SLC39A11: variants seen among roughly 807,000 people sequenced by gnomAD.
SLC39A11 encodes the protein solute carrier family 39 member 11.
SLC39A11 carries 33 observed loss-of-function variants against 36.1 expected under a neutral mutation model. The ratio of observed to expected loss-of-function variants is 0.91; its 90% confidence interval spans 0.69 to 1.22. The LOEUF is 1.22. Among genes scored for constraint, SLC39A11 ranks in the 50% most tolerant of loss-of-function variants. SLC39A11 has a pLI of 0.00. For synonymous variants in SLC39A11, 166 were observed against 170.3 expected, an observed-to-expected ratio of 0.97 and a Z score of 0.20; for missense variants, 432 against 430.3, an observed-to-expected ratio of 1.00 and a Z score of -0.03.
intron 7 of SLC39A11, among the ~76,000 whole-genome samples, chr17:72,670,985 T>C (rs1311721153): frequency 6.6e-6 from 1 of 152,190 alleles, no homozygotes; most frequent in Non-Finnish European, 1.5e-5. Context: ...CAGTTGCAGA[T>C]ACCAGGATGA....
In SLC39A11 at chr17:72,665,389, G is replaced by GTTTTTTTTTTTTTTTTTTTTTTTTTT. The variant is rs780329919; in HGVS notation, c.672-16122_672-16121insAAAAAAAAAAAAAAAAAAAAAAAAAA. 1.0e-4 allele frequency among the ~76,000 whole-genome samples: 8 copies of GTTTTTTTTTTTTTTTTTTTTTTTTTT among 76,612 alleles called. 2 individuals are homozygous for GTTTTTTTTTTTTTTTTTTTTTTTTTT. The highest frequency in any genetic ancestry group is 3.7e-4 in the East Asian group (1 of 2,738). 50.3% of individuals were successfully genotyped at this position (76,612 alleles called of 152,430 possible). ...GGTTTAAGCCACCAAGTTTTGAGGT[G>GTTTTTTTTTTTTTTTTTTTTTTTTTT]TTTTTTTTTTTTTTTTTTTTTGAGA... On this transcript the variant is annotated intron_variant, in intron 7 of 9. Coordinates refer to ENST00000255559, the MANE Select transcript of SLC39A11 (RefSeq NM_139177.4).
chr17:72,745,605 C>A (rs1166348794), intron 6 of SLC39A11, among the ~76,000 whole-genome samples: 1 of 152,154 alleles, frequency 6.6e-6, no homozygotes, highest in Non-Finnish European at 1.5e-5. Context: ...CCACTATTCT[C>A]CGCCCTGTGC....
chr17:73,076,479 T>A (rs1036487485), intron 3 of SLC39A11, among the ~76,000 whole-genome samples: 3 of 152,258 alleles, frequency 2.0e-5, no homozygotes, highest in African/African-American at 7.2e-5. Flanking sequence ...TGTATTGCAA[T>A]GTACGCACAA....
intron 3 of SLC39A11, chr17:73,067,789 C>T: frequency 1.6e-6 from 2 of 1,241,432 alleles, no homozygotes; most frequent in Non-Finnish European, 2.3e-6. Flanking sequence ...AAGTCTCTTG[C>T]CACAAGCATC....
At position 73,074,351 on chromosome 17, in the gene SLC39A11, G is replaced by A. The variant is rs181448934; in HGVS notation, c.147+10457C>T. Among the ~76,000 whole-genome samples the A allele has an allele frequency of 5.7e-3, 797 of 140,452 alleles. 6 individuals carry two copies. Among genetic ancestry groups the A allele is most frequent in the African/African-American group, 0.02 (733 of 36,792 alleles). The allele number at this position is 140,452 out of a possible 152,430, so 92.1% of individuals were successfully genotyped here. On this transcript the variant is annotated intron_variant, in intron 3 of 9. Coordinates refer to ENST00000255559, the MANE Select transcript of SLC39A11 (RefSeq NM_139177.4). ...CTTGCTCTGTCACCCAGGCTGGAGT[G>A]CAGTGGTGCAATCTTGGCTCACTGC...
chr17:72,824,418 C>T (rs1025519547), intron 6 of SLC39A11, among the ~76,000 whole-genome samples: 1 of 151,280 alleles, frequency 6.6e-6, no homozygotes, highest in Non-Finnish European at 1.5e-5. Context: ...TACCCAGTCT[C>T]AGGTAGTTCT....
In SLC39A11 at chr17:72,955,469, ATT is replaced by A. The variant is rs57079729; in HGVS notation, c.307-7596_307-7595del. 2.1e-3 allele frequency among the ~76,000 whole-genome samples: 268 copies of A among 128,660 alleles called. 3 individuals are homozygous for A. The highest frequency in any genetic ancestry group is 7.3e-3 in the African/African-American group (253 of 34,438). The allele number at this position is 128,660 out of a possible 152,430, so 84.4% of individuals were successfully genotyped here. A position where few individuals can be genotyped will look rare whatever the true frequency, so the allele number is the denominator to read the frequency against. On this transcript the variant is annotated intron_variant, in intron 4 of 9. Coordinates refer to ENST00000255559, the MANE Select transcript of SLC39A11 (RefSeq NM_139177.4). ...AAGCACGCAACACCACGTCTGGCTA[ATT>A]TTTTTTTTTTTTTTTTCAGTAGAGA...
intron 7 of SLC39A11, among the ~76,000 whole-genome samples, chr17:72,735,391 A>G (rs768869370): frequency 6.6e-6 from 1 of 152,150 alleles, no homozygotes; most frequent in South Asian, 2.1e-4. Flanking sequence ...GGAAGGATGG[A>G]AAAGGGGTTA....
intron 4 of SLC39A11, among the ~76,000 whole-genome samples, chr17:72,959,255 T>C (rs978566290): frequency 2.0e-5 from 3 of 148,402 alleles, no homozygotes; most frequent in African/African-American, 7.5e-5. Context: ...TGCAAAATCA[T>C]GGAATCAACC....
intron 7 of SLC39A11, among the ~76,000 whole-genome samples, chr17:72,678,571 G>A (rs553546062): frequency 1.3e-3 from 200 of 152,250 alleles, no homozygotes; most frequent in Admixed American, 2.2e-3. Context: ...CCGGCATGGT[G>A]GCGTGCGCCT....
chr17:72,679,213 G>C (rs1207654092), intron 7 of SLC39A11, among the ~76,000 whole-genome samples: 1 of 152,138 alleles, frequency 6.6e-6, no homozygotes. Context: ...TGACAGTATA[G>C]TAGGGAAATT....
At chr17:72,727,855 A>G (rs76794120) in intron 7 of SLC39A11, among the ~76,000 whole-genome samples, 9,067 of 152,198 alleles carry the variant, frequency 0.06, 351 homozygotes, top group African/African-American at 0.1. Flanking sequence ...AAGTAACGGC[A>G]TCTGTACACC....
chr17:72,717,071 T>G (rs2073426776), intron 7 of SLC39A11, among the ~76,000 whole-genome samples: 1 of 146,866 alleles, frequency 6.8e-6, no homozygotes. Context: ...TATATACACA[T>G]ATAAGTATAT....
chr17:72,698,458 C>CAAAAAAAAAAAAAA (rs1567958636), intron 7 of SLC39A11, among the ~76,000 whole-genome samples: 1 of 51,942 alleles, frequency 1.9e-5, no homozygotes. Flanking sequence ...ATAATAAAAA[C>CAAAAAAAAAAAAAA]CAAAAAAAAA....
intron 7 of SLC39A11, among the ~76,000 whole-genome samples, chr17:72,662,628 G>GAAGAAAGTGAGA (rs2070508306): frequency 8.1e-6 from 1 of 122,814 alleles, no homozygotes; most frequent in Non-Finnish European, 1.6e-5. Context: ...AGAAGAAAGA[G>GAAGAAAGTGAGA]AAGAAAGAGA....
At chr17:73,031,786 T>G in intron 3 of SLC39A11, 72 bp from the exon 4 acceptor site, 1 of 1,506,114 alleles carries the variant, frequency 6.6e-7, no homozygotes, top group East Asian at 2.3e-5. Flanking sequence ...CCTCAGTTGC[T>G]CTCTGTGGCC....
At chr17:72,660,386 C>A (rs926406306) in intron 7 of SLC39A11, among the ~76,000 whole-genome samples, 2 of 152,208 alleles carry the variant, frequency 1.3e-5, no homozygotes, top group African/African-American at 2.4e-5. Context: ...ACATGCCTTG[C>A]CCCTCAACCA....
chr17:72,875,734 G>T (rs1395854694), intron 5 of SLC39A11, among the ~76,000 whole-genome samples: 1 of 152,126 alleles, frequency 6.6e-6, no homozygotes, highest in Non-Finnish European at 1.5e-5. Context: ...TTCCCTTAGA[G>T]CACTTTCAAT....
chr17:72,690,892 G>A (rs964751046), intron 7 of SLC39A11, among the ~76,000 whole-genome samples: 2 of 152,178 alleles, frequency 1.3e-5, no homozygotes, highest in Admixed American at 6.5e-5. Flanking sequence ...GAGGGGAGAG[G>A]AGAACACAGC....
Sources: gnomAD v4.1 joint callset for allele counts (sites outside exome capture counted in the v4.1 genomes callset) on GRCh38, gnomAD v4.1.1 for gene constraint, MANE v1.5 for transcripts, NCBI Gene and HGNC (gene_info 2026-07-23, HGNC 2026-07-21) for gene names.